Variants in BDP1 observed in about 807,000 individuals in gnomAD.
BDP1 encodes BDP1 general transcription factor IIIB subunit.
A neutral mutation model predicts 266.6 loss-of-function variants in BDP1; 169 were observed. That is an observed-to-expected ratio of 0.63 (90% CI 0.56 to 0.72). The LOEUF is 0.72. Among genes scored for constraint, BDP1 ranks in the 30% least tolerant of loss-of-function variants. The probability of loss-of-function intolerance (pLI) is 0.00; values close to 1 mark genes in which losing one functional copy is unlikely to be tolerated. For missense variants in BDP1, 3,015 were observed against 3,053.8 expected (o/e 0.99, Z 0.30); for synonymous variants, 1,090 against 1,022.4 (o/e 1.07, Z -1.26).
chr5:71,551,906 A>AC (rs1256419299), intron 34 of BDP1, among the ~76,000 whole-genome samples: 42 of 118,334 alleles, frequency 3.5e-4, no homozygotes, highest in African/African-American at 1.1e-3. Flanking sequence ...CGGGGGGCTG[A>AC]CCCCCCCACC....
chr5:71,515,165 C>G, intron 20 of BDP1, 43 bp downstream of exon 20: 1 of 1,379,900 alleles, frequency 7.2e-7, no homozygotes, highest in Non-Finnish European at 9.7e-7. Context: ...AAGAGAGATA[C>G]TTCTTTTAAA....
Position 71,549,601 on chromosome 5 carries a change from C to A in BDP1, c.6990C>A (p.Asp2330Glu). Residue 2330 changes from aspartate (D) to glutamate (E), a missense_variant, in exon 34 of 39, where the codon GAC (aspartate) becomes GAA (glutamate). Transcript: ENST00000358731. ...CAGTGAATACCGAAGAAAGGGGTGA[C>A]ATGAGGTAACGAATGAGTGAAACTG... ...VKSVNTEERG[D>E]MSICLPATSV... The A allele has an allele frequency of 1.3e-6, 2 of 1,597,344 alleles. No individual in the cohort carries two copies. The highest frequency in any genetic ancestry group is 1.1e-5 in the South Asian group (1 of 87,528).
chr5:71,541,400 T>C, intron 28 of BDP1, 54 bp from the exon 29 acceptor site: 2 of 709,722 alleles, frequency 2.8e-6, no homozygotes, highest in Non-Finnish European at 4.4e-6. Context: ...GGAATTTATT[T>C]TGAGCATCTA....
rs1764784350 is a variant in BDP1, at chr5:71,509,629, C to T, written c.2537C>T (p.Ala846Val). The T allele has an allele frequency of 2.5e-6, 4 of 1,613,258 alleles. No individual in the cohort carries two copies. Among genetic ancestry groups the T allele is most frequent in the Non-Finnish European group, 2.5e-6 (3 of 1,179,854 alleles). The change falls in exon 17 of 39, where the codon GCA becomes GTA. Residue 846 changes from alanine (A) to valine (V), a missense_variant. Physicochemically the swap from Ala to Val is moderately conservative, Grantham distance 64. Around this residue, in one of 3 missense-constraint regions of BDP1, gnomAD observed 2,383 missense variants for 2,404.9 expected, o/e 0.99. Transcript: ENST00000358731. ...CTTGTCTCTGGGGAAATGGCGGCAGCATTGAGAGAAACTGTAAGACTAGAC... is the reference window on the plus strand; with the variant it reads ...CTTGTCTCTGGGGAAATGGCGGCAGTATTGAGAGAAACTGTAAGACTAGAC... ...KILVSGEMAA[A>V]LRETVRLDTS...
Position 71,470,450 on chromosome 5 carries a change from C to G in BDP1, c.975C>G (p.Ile325Met), listed in dbSNP as rs760476397. 5 of 1,612,096 alleles carry G rather than the reference C, an allele frequency of 3.1e-6. No homozygotes were observed. The South Asian group carries it at 3.3e-5, about 11-fold the overall frequency. ...ISMVGTDFSM[I>M]GQLFPHRARI... ...TGGTAGGAACTGACTTTTCTATGAT[C>G]GGACAACTTTTTCCTCACAGAGCAA... The change falls in exon 7 of 39, where the codon ATC (isoleucine) becomes ATG (methionine). Residue 325 changes from isoleucine (I) to methionine (M), a missense_variant. Ile to Met is a conservative substitution (Grantham distance 10). Around this residue, in one of 3 missense-constraint regions of BDP1, gnomAD observed 2,383 missense variants for 2,404.9 expected, o/e 0.99. Coordinates refer to ENST00000358731, the MANE Select transcript of BDP1 (RefSeq NM_018429.3).
intron 19 of BDP1, among the ~76,000 whole-genome samples, chr5:71,513,861 G>A (rs1765080129): frequency 6.6e-6 from 1 of 151,998 alleles, no homozygotes; most frequent in Non-Finnish European, 1.5e-5. Context: ...TGGGACTACA[G>A]GCGCGTGCTG....
chr5:71,535,292 C>T (rs1766524684), intron 26 of BDP1, among the ~76,000 whole-genome samples: 1 of 151,868 alleles, frequency 6.6e-6, no homozygotes, highest in African/African-American at 2.4e-5. Flanking sequence ...GCACCCTCCG[C>T]CTCCCAGTTT....
chr5:71,459,678 G>A (rs1301569672), intron 2 of BDP1, among the ~76,000 whole-genome samples: 2 of 152,192 alleles, frequency 1.3e-5, no homozygotes, highest in Admixed American at 1.3e-4. Context: ...CAGCAGTAGA[G>A]CATGCTGGCC....
At chr5:71,515,282 T>C (rs1765160495) in intron 20 of BDP1, among the ~76,000 whole-genome samples, 160 bp downstream of exon 20, 1 of 152,198 alleles carries the variant, frequency 6.6e-6, no homozygotes, top group Non-Finnish European at 1.5e-5. Context: ...TAATATCAGA[T>C]TGAATTCAAC....
In BDP1 at chr5:71,488,541, G is replaced by C. The variant is rs570931110; in HGVS notation, c.1214-863G>C. 2.0e-5 allele frequency among the ~76,000 whole-genome samples: 3 copies of C among 151,404 alleles called. No homozygotes were observed. In the East Asian group the frequency reaches 5.8e-4, roughly 29 times the overall value. On this transcript the variant is annotated intron_variant, in intron 9 of 38. Transcript: ENST00000358731. ...CCTCTCCAGTTGAAGCGATTCTCCT[G>C]CCTCAGCTTCCCAAGTAGCTGGGAT...
intron 32 of BDP1, among the ~76,000 whole-genome samples, chr5:71,547,396 G>T (rs1742412878): frequency 6.6e-6 from 1 of 151,872 alleles, no homozygotes; most frequent in African/African-American, 2.4e-5. Context: ...TACTATATAG[G>T]TAATAATGTG....
downstream of BDP1, among the ~76,000 whole-genome samples, chr5:71,569,626 G>A (rs1744200037): frequency 6.6e-6 from 1 of 152,084 alleles, no homozygotes; most frequent in African/African-American, 2.4e-5. Context: ...CGCGCCTGTG[G>A]TCCCAGCTAC....
intron 21 of BDP1, among the ~76,000 whole-genome samples, chr5:71,517,008 A>ACT (rs760736609): frequency 2.6e-5 from 4 of 152,186 alleles, no homozygotes; most frequent in Non-Finnish European, 4.4e-5. Context: ...TTTTCTCTGA[A>ACT]CTAGGCATCC....
rs201849167 is a variant in BDP1 at position 71,489,484 on chromosome 5, C to G, written c.1294C>G (p.Gln432Glu). The change falls in exon 10 of 39, where the codon CAG becomes GAG. Residue 432 changes from glutamine to glutamate, a missense_variant. Gln to Glu is a conservative substitution (Grantham distance 29, BLOSUM62 2). Coordinates refer to ENST00000358731, the MANE Select transcript of BDP1 (RefSeq NM_018429.3). ...SSRISDTERS[Q>E]KDAQTVEEES... ...TAGAATTTCAGACACGGAAAGATCT[C>G]AGAAGGATGCTCAGACAGTTGAAGA... 40 of 1,613,962 alleles carry G rather than the reference C, an allele frequency of 2.5e-5. No homozygotes were observed. Among genetic ancestry groups the G allele is most frequent in the Admixed American group, 1.3e-4 (8 of 60,002 alleles).
intron 14 of BDP1, 130 bp from the exon 15 acceptor site, chr5:71,502,469 C>T (rs760492535): frequency 1.0e-4 from 88 of 860,386 alleles, no homozygotes; most frequent in African/African-American, 3.6e-4. Context: ...CCACTGCGCC[C>T]GGGCGGATTA....
intron 16 of BDP1, among the ~76,000 whole-genome samples, chr5:71,508,952 A>C (rs1236066831): frequency 6.6e-6 from 1 of 152,240 alleles, no homozygotes; most frequent in African/African-American, 2.4e-5. Flanking sequence ...GAAATCTCAT[A>C]TAAAATTGGT....
intron 7 of BDP1, among the ~76,000 whole-genome samples, chr5:71,482,406 C>T (rs774226267): frequency 4.1e-4 from 62 of 152,120 alleles, no homozygotes; most frequent in Non-Finnish European, 6.8e-4. Flanking sequence ...CACTATTGTC[C>T]TTTGCTTGAA....
intron 7 of BDP1, among the ~76,000 whole-genome samples, chr5:71,480,570 A>AT (rs146351408): frequency 5.6e-4 from 78 of 138,432 alleles, no homozygotes; most frequent in Middle Eastern, 3.7e-3. Flanking sequence ...GTGCCCGGCC[A>AT]TTTTTTTTTT....
chr5:71,567,912 T>A (rs1237519760), downstream of BDP1: 1 of 151,898 alleles, frequency 6.6e-6, no homozygotes, highest in Non-Finnish European at 1.5e-5. Context: ...GAGGCCGAGG[T>A]GGGAGGATTG....
Sources: gnomAD v4.1 joint callset for allele counts (sites outside exome capture counted in the v4.1 genomes callset) on GRCh38, gnomAD v4.1.1 for gene constraint, gnomAD v4.1.1 regional missense constraint, MANE v1.5 for transcripts, NCBI Gene and HGNC (gene_info 2026-07-23, HGNC 2026-07-21) for gene names.